Variants in ELMO1 observed in about 807,000 individuals in gnomAD.
The protein encoded by ELMO1 is engulfment and cell motility 1, also known as engulfment and cell motility protein 1.
Under a neutral mutation model 98.9 loss-of-function variants are expected in ELMO1, and 26 were observed. The observed-to-expected ratio is 0.26, with a 90% CI of 0.19 to 0.36. ELMO1 has a LOEUF of 0.36. Among genes scored for constraint, ELMO1 ranks in the 10% least tolerant of loss-of-function variants. The pLI, the probability that ELMO1 is intolerant of heterozygous loss-of-function variation, is 1.00. For missense variants in ELMO1, 627 were observed against 935.2 expected (o/e 0.67, Z 4.30); for synonymous variants, 346 against 346.0 (o/e 1.00, Z 0.00).
intron 15 of ELMO1, among the ~76,000 whole-genome samples, chr7:37,043,618 C>T (rs1290207877): frequency 6.6e-6 from 1 of 152,204 alleles, no homozygotes; most frequent in Non-Finnish European, 1.5e-5. Context: ...AACTTCATTA[C>T]AATGATATAC....
At chr7:36,922,165 G>A (rs1267818938) in intron 16 of ELMO1, among the ~76,000 whole-genome samples, 3 of 152,056 alleles carry the variant, frequency 2.0e-5, no homozygotes, top group Non-Finnish European at 2.9e-5. Flanking sequence ...ACATAAAGGA[G>A]AGGAAGCGGA....
At chr7:37,196,827 C>CCTTGTGT (rs945061377) in intron 13 of ELMO1, among the ~76,000 whole-genome samples, 1 of 152,108 alleles carries the variant, frequency 6.6e-6, no homozygotes, top group South Asian at 2.1e-4. Context: ...ACATAATAAT[C>CCTTGTGT]CTTGTGTCTT....
chr7:37,020,672 ACT>A (rs60864255), intron 15 of ELMO1, among the ~76,000 whole-genome samples: 4,011 of 152,202 alleles, frequency 0.026, 161 homozygotes, highest in African/African-American at 0.086. Context: ...GCTAAGAGAG[ACT>A]CTGAACCCAT....
chr7:37,279,260 G>C (rs1163751620), intron 4 of ELMO1, among the ~76,000 whole-genome samples: 1 of 152,086 alleles, frequency 6.6e-6, no homozygotes, highest in Non-Finnish European at 1.5e-5. Flanking sequence ...ACCTCACCAG[G>C]GCATTTCAAC....
At chr7:37,445,471 A>G (rs1805575322) in intron 1 of ELMO1, among the ~76,000 whole-genome samples, 1 of 152,166 alleles carries the variant, frequency 6.6e-6, no homozygotes, top group Non-Finnish European at 1.5e-5. Flanking sequence ...CTTGAGCATT[A>G]GGCAACCTGA....
Position 37,127,134 on chromosome 7 carries a change from A to ACTACT in ELMO1, c.1191+5991_1191+5995dup, listed in dbSNP as rs567569026. On this transcript the variant is annotated intron_variant, in intron 14 of 21. Coordinates refer to ENST00000310758, the MANE Select transcript of ELMO1 (RefSeq NM_014800.11). ...ACTTCTGCATGTTACTTCTCCTATCACTACTCTGAAACTAAAGACTATCTC... is the reference window on the plus strand; with the variant it reads ...ACTTCTGCATGTTACTTCTCCTATCACTACTCTACTCTGAAACTAAAGACTATCTC... Among the ~76,000 whole-genome samples, 140 of 152,258 alleles carry ACTACT rather than the reference A, an allele frequency of 9.2e-4. 1 individual carries two copies. Among genetic ancestry groups the ACTACT allele is most frequent in the African/African-American group, 3.2e-3 (133 of 41,542 alleles).
At chr7:37,352,043 G>GA (rs1335919751) in intron 1 of ELMO1, among the ~76,000 whole-genome samples, 6 of 152,094 alleles carry the variant, frequency 3.9e-5, no homozygotes, top group Non-Finnish European at 5.9e-5. Context: ...AGGATTCTTG[G>GA]AAAAAACTGA....
At chr7:36,961,964 A>C (rs548238825) in intron 16 of ELMO1, among the ~76,000 whole-genome samples, 1 of 152,374 alleles carries the variant, frequency 6.6e-6, no homozygotes, top group African/African-American at 2.4e-5. Context: ...TTCATACCTC[A>C]AAAATTGTGT....
chr7:37,203,170 C>G (rs1307805288), intron 13 of ELMO1, among the ~76,000 whole-genome samples: 1 of 152,188 alleles, frequency 6.6e-6, no homozygotes, highest in Admixed American at 6.5e-5. Flanking sequence ...TCTCGAAAAC[C>G]TGGACCCTTG....
chr7:36,874,347 T>C (rs776748468), intron 19 of ELMO1, among the ~76,000 whole-genome samples: 1 of 152,274 alleles, frequency 6.6e-6, no homozygotes, highest in Non-Finnish European at 1.5e-5. Flanking sequence ...ACTAATCTTA[T>C]GACTTTGAAT....
rs537969787 is a variant in ELMO1, at chr7:37,164,251, A to G, written c.1087-31017T>C. On this transcript the variant is annotated intron_variant, in intron 13 of 21. Coordinates refer to ENST00000310758, the MANE Select transcript of ELMO1 (RefSeq NM_014800.11). ...TCTGGATATTAGCCCTTTGTCAGAT[A>G]AGTAGGTTGTGAAAATTTTCTCCCA... Among the ~76,000 whole-genome samples the G allele has an allele frequency of 2.0e-3, 304 of 152,222 alleles. 1 individual carries two copies. The highest frequency in any genetic ancestry group is 7.1e-3 in the African/African-American group (295 of 41,520).
At chr7:36,919,480 T>A (rs1784968566) in intron 16 of ELMO1, 1 of 481,382 alleles carries the variant, frequency 2.1e-6, no homozygotes, top group Non-Finnish European at 4.5e-6. Context: ...AACTCTGGAT[T>A]TGAAACCTGG....
At chr7:37,294,656 T>C (rs1797940131) in intron 4 of ELMO1, among the ~76,000 whole-genome samples, 1 of 152,134 alleles carries the variant, frequency 6.6e-6, no homozygotes, top group Non-Finnish European at 1.5e-5. Context: ...GATTATTGGT[T>C]AAAAAAATGG....
chr7:37,141,838 T>C (rs894717938), intron 13 of ELMO1, among the ~76,000 whole-genome samples: 4 of 152,204 alleles, frequency 2.6e-5, no homozygotes, highest in African/African-American at 7.2e-5. Flanking sequence ...TTCTACATTA[T>C]TCAAGAATAC....
At chr7:36,990,326 T>C (rs1791791627) in intron 16 of ELMO1, among the ~76,000 whole-genome samples, 1 of 152,350 alleles carries the variant, frequency 6.6e-6, no homozygotes, top group South Asian at 2.1e-4. Flanking sequence ...TTTGGATGAC[T>C]GCTTGTCAAG....
At position 37,348,263 on chromosome 7, in the gene ELMO1, G is replaced by A. The variant is rs371601469; in HGVS notation, c.-73-5500C>T. 2.3e-4 allele frequency among the ~76,000 whole-genome samples: 35 copies of A among 152,184 alleles called. No homozygotes were observed. In the East Asian group the frequency reaches 2.7e-3, roughly 12 times the overall value. ...GCTACAAGAAGTTGTGTAGACAGCCGGGTACAATAATTCTTATACAAACTA... is the reference window on the plus strand; with the variant it reads ...GCTACAAGAAGTTGTGTAGACAGCCAGGTACAATAATTCTTATACAAACTA... On this transcript the variant is annotated intron_variant, in intron 1 of 21. Transcript: ENST00000310758.
chr7:37,426,118 C>G (rs1290186837), intron 1 of ELMO1, among the ~76,000 whole-genome samples: 1 of 147,834 alleles, frequency 6.8e-6, no homozygotes, highest in African/African-American at 2.5e-5. Flanking sequence ...AGTTCTCTCT[C>G]TCTCTCTCCC....
intron 1 of ELMO1, among the ~76,000 whole-genome samples, chr7:37,385,298 A>G (rs758317945): frequency 2.0e-5 from 3 of 152,088 alleles, no homozygotes; most frequent in Non-Finnish European, 4.4e-5. Context: ...ATCTGCCTCT[A>G]TGGTCTGGCC....
chr7:36,950,140 A>G (rs1787850777), intron 16 of ELMO1, among the ~76,000 whole-genome samples: 1 of 150,150 alleles, frequency 6.7e-6, no homozygotes, highest in East Asian at 2.0e-4. Flanking sequence ...AGAAAACAAG[A>G]AACAATGTAC....
Sources: gnomAD v4.1 joint callset for allele counts (sites outside exome capture counted in the v4.1 genomes callset) on GRCh38, gnomAD v4.1.1 for gene constraint, MANE v1.5 for transcripts, NCBI Gene and HGNC (gene_info 2026-07-23, HGNC 2026-07-21) for gene names.